Variants in EFCAB5 observed in about 807,000 individuals in gnomAD.
The protein encoded by EFCAB5 is EF-hand calcium binding domain 5.
A neutral mutation model predicts 167.9 loss-of-function variants in EFCAB5; 131 were observed. The observed-to-expected ratio is 0.78, with a 90% CI of 0.68 to 0.90. The LOEUF (loss-of-function observed/expected upper bound fraction) is 0.90. Ranked by LOEUF, EFCAB5 falls within the 40% of genes least tolerant of loss-of-function variation. EFCAB5 has a pLI of 0.00. For synonymous variants in EFCAB5, 574 were observed against 602.8 expected (o/e 0.95, Z 0.70); for missense variants, 1,663 against 1,745.2 (o/e 0.95, Z 0.84).
intron 7 of EFCAB5, among the ~76,000 whole-genome samples, chr17:30,011,969 G>A (rs1050228230): frequency 4.6e-5 from 7 of 151,946 alleles, no homozygotes; most frequent in Non-Finnish European, 7.4e-5. Flanking sequence ...AATAATCCTC[G>A]CTCTATAATC....
Position 30,080,916 on chromosome 17 carries a change from G to C in EFCAB5, c.3361G>C (p.Val1121Leu), listed in dbSNP as rs1490956293. 6.2e-7 allele frequency: 1 copy of C among 1,613,728 alleles called. No homozygotes were observed. The highest frequency in any genetic ancestry group is 1.7e-4 in the Middle Eastern group (1 of 5,926). The change falls in exon 17 of 23, where the codon GTT becomes CTT. Residue 1121 changes from valine to leucine, a missense_variant. Physicochemically the swap from Val to Leu is conservative, Grantham distance 32. Coordinates refer to ENST00000394835, the MANE Select transcript of EFCAB5 (RefSeq NM_198529.4). ...AYMRIFGVLAVDTLRDPHEIN... is the reference protein window; with the variant it reads ...AYMRIFGVLALDTLRDPHEIN... ...TATGAGGATCTTTGGGGTCTTGGCT[G>C]TTGATACCCTTAGAGATCCCCACGA... is the stretch of plus-strand genomic sequence containing the variant.
At chr17:30,052,658 T>C (rs1403896591) in intron 9 of EFCAB5, among the ~76,000 whole-genome samples, 2 of 152,178 alleles carry the variant, frequency 1.3e-5, no homozygotes, top group African/African-American at 4.8e-5. Context: ...CACCAGGGTT[T>C]TATTGTTGTT....
intron 1 of EFCAB5, among the ~76,000 whole-genome samples, chr17:29,931,329 G>T (rs2067191166): frequency 6.6e-6 from 1 of 152,032 alleles, no homozygotes. Flanking sequence ...CTTTTAAACT[G>T]ACAGGGCTGT....
chr17:30,094,531 A>T (rs950734223), intron 22 of EFCAB5, among the ~76,000 whole-genome samples: 37 of 148,734 alleles, frequency 2.5e-4, no homozygotes, highest in South Asian at 4.2e-4. Context: ...AAAAAAAAAA[A>T]AAATAACTGG....
rs181767520 is a variant in EFCAB5 at position 29,965,611 on chromosome 17, A to G, written c.191-3180A>G. Among the ~76,000 whole-genome samples, 333 of 152,330 alleles carry G rather than the reference A, an allele frequency of 2.2e-3. 4 individuals carry two copies. Among genetic ancestry groups the G allele is most frequent in the Non-Finnish European group, 1.0e-3 (69 of 68,026 alleles). On this transcript the variant is annotated intron_variant, in intron 3 of 22. Transcript: ENST00000394835. ...TCCAGATTCATCCCTTTGCATGTAGATATCAGTTGTCATGGCACCGTTTGT... is the reference window on the plus strand; with the variant it reads ...TCCAGATTCATCCCTTTGCATGTAGGTATCAGTTGTCATGGCACCGTTTGT...
At chr17:30,041,456 TAA>T (rs780471293) in intron 8 of EFCAB5, among the ~76,000 whole-genome samples, 24 of 152,344 alleles carry the variant, frequency 1.6e-4, no homozygotes, top group Non-Finnish European at 2.6e-4. Context: ...AATCTCATGA[TAA>T]AACTTGAATG....
At chr17:30,020,085 A>G (rs2069138506) in intron 7 of EFCAB5, among the ~76,000 whole-genome samples, 1 of 152,172 alleles carries the variant, frequency 6.6e-6, no homozygotes, top group African/African-American at 2.4e-5. Flanking sequence ...AAGTTTATCC[A>G]TGTTGTCACA....
intron 18 of EFCAB5, among the ~76,000 whole-genome samples, chr17:30,086,759 G>T (rs1205260656): frequency 1.3e-5 from 2 of 152,298 alleles, no homozygotes; most frequent in East Asian, 3.9e-4. Context: ...GGGTATGGTG[G>T]TGCATGCCTA....
intron 3 of EFCAB5, among the ~76,000 whole-genome samples, chr17:29,968,041 A>AT (rs1176264855): frequency 1.3e-5 from 2 of 151,992 alleles, no homozygotes; most frequent in African/African-American, 2.4e-5. Flanking sequence ...TGCCTGGCTA[A>AT]TTTTTTTATT....
chr17:30,070,544 C>T (rs1388141091), intron 14 of EFCAB5, among the ~76,000 whole-genome samples: 2 of 152,126 alleles, frequency 1.3e-5, no homozygotes, highest in Non-Finnish European at 1.5e-5. Context: ...ATATTTACAG[C>T]CAACTGATTT....
rs1345948370 is a variant in EFCAB5 at position 30,057,780 on chromosome 17, G to A, written c.2470G>A (p.Glu824Lys). 4.3e-6 allele frequency: 7 copies of A among 1,613,720 alleles called. No homozygotes were observed. The highest frequency in any genetic ancestry group is 4.2e-6 in the Non-Finnish European group (5 of 1,179,796). The change falls in exon 13 of 23, where the codon GAG becomes AAG. Residue 824 changes from glutamate (E) to lysine (K), a missense_variant. Glu to Lys is a moderately conservative substitution (Grantham distance 56). Coordinates refer to ENST00000394835, the MANE Select transcript of EFCAB5 (RefSeq NM_198529.4). ...TCTGCTCCAGTTTGTGCAACTCCTG[G>A]AGACATTTGTTGGTGAAGACGCTCC... is the stretch of plus-strand genomic sequence containing the variant. Reference protein sequence around the residue: ...FNLLQFVQLLETFVGEDAPLS... With the variant: ...FNLLQFVQLLKTFVGEDAPLS...
At chr17:30,075,752 A>G (rs1314247092) in intron 14 of EFCAB5, among the ~76,000 whole-genome samples, 1 of 152,178 alleles carries the variant, frequency 6.6e-6, no homozygotes, top group African/African-American at 2.4e-5. Context: ...ACCCATGCCC[A>G]GCTAACCCTG....
intron 5 of EFCAB5, among the ~76,000 whole-genome samples, chr17:29,994,205 C>T (rs1427617395): frequency 6.9e-6 from 1 of 143,978 alleles, no homozygotes; most frequent in African/African-American, 2.5e-5. Context: ...CGTGCACACA[C>T]ACGCGGTGGG....
At chr17:30,035,627 G>A (rs1312486227) in intron 8 of EFCAB5, among the ~76,000 whole-genome samples, 1 of 152,180 alleles carries the variant, frequency 6.6e-6, no homozygotes, top group Non-Finnish European at 1.5e-5. Flanking sequence ...ACAAAGAACA[G>A]TAAACCGTGA....
At chr17:29,950,848 A>G (rs2067494892) in intron 3 of EFCAB5, among the ~76,000 whole-genome samples, 1 of 152,204 alleles carries the variant, frequency 6.6e-6, no homozygotes, top group South Asian at 2.1e-4. Context: ...TGAAAGTTAT[A>G]CATAGGTTTT....
chr17:30,041,210 A>AGAAGGAAG (rs61335450), intron 8 of EFCAB5, among the ~76,000 whole-genome samples: 5,231 of 149,940 alleles, frequency 0.035, 158 homozygotes, highest in African/African-American at 0.079. Flanking sequence ...AAGAAAGGAA[A>AGAAGGAAG]GAAGGAAGGA....
At chr17:29,991,362 C>T (rs1253182595) in intron 4 of EFCAB5, among the ~76,000 whole-genome samples, 2 of 152,218 alleles carry the variant, frequency 1.3e-5, no homozygotes, top group Non-Finnish European at 2.9e-5. Flanking sequence ...AGGGGGCTGA[C>T]AGCCTTCAGA....
At chr17:29,947,030 T>C (rs1597563329) in intron 3 of EFCAB5, among the ~76,000 whole-genome samples, 2 of 151,802 alleles carry the variant, frequency 1.3e-5, no homozygotes, top group African/African-American at 4.8e-5. Flanking sequence ...AAAAATTAGC[T>C]GGGTGTGGTG....
chr17:30,083,029 C>T lies in EFCAB5; in HGVS notation c.3565C>T (p.Pro1189Ser). 6.2e-7 allele frequency: 1 copy of T among 1,613,864 alleles called. No homozygotes were observed. The highest frequency in any genetic ancestry group is 8.5e-7 in the Non-Finnish European group (1 of 1,179,816). Residue 1189 changes from proline (P) to serine (S), a missense_variant, in exon 18 of 23, where the codon CCT becomes TCT. Transcript: ENST00000394835. ...ITSITTYFVE[P>S]SPAQDSDYVL... ...CTCCATCACTACGTACTTTGTAGAG[C>T]CTAGCCCAGCCCAGGTAGGCAAGGC...
Sources: gnomAD v4.1 joint callset for allele counts (sites outside exome capture counted in the v4.1 genomes callset) on GRCh38, gnomAD v4.1.1 for gene constraint, MANE v1.5 for transcripts, NCBI Gene and HGNC (gene_info 2026-07-23, HGNC 2026-07-21) for gene names.